Variants in RALGPS2 observed in about 807,000 individuals in gnomAD.
RALGPS2 encodes Ral GEF with PH domain and SH3 binding motif 2, also known as ras-specific guanine nucleotide-releasing factor RalGPS2.
In RALGPS2, 43 loss-of-function variants were observed where a neutral mutation model predicts 86.8. That is an observed-to-expected ratio of 0.50 (90% CI 0.39 to 0.64). The LOEUF (loss-of-function observed/expected upper bound fraction) is 0.64. Ranked by LOEUF, RALGPS2 falls within the 30% of genes least tolerant of loss-of-function variation. The probability of loss-of-function intolerance (pLI) is 0.00; values close to 1 mark genes in which losing one functional copy is unlikely to be tolerated. For missense variants in RALGPS2, 536 were observed against 694.6 expected, an observed-to-expected ratio of 0.77 and a Z score of 2.57; for synonymous variants, 243 against 231.3, an observed-to-expected ratio of 1.05 and a Z score of -0.46.
At chr1:178,774,320 G>A (rs1460505097) in intron 1 of RALGPS2, among the ~76,000 whole-genome samples, 1 of 151,936 alleles carries the variant, frequency 6.6e-6, no homozygotes, top group Non-Finnish European at 1.5e-5. Context: ...CATGCTTATA[G>A]TTTACAAATA....
Position 178,863,888 on chromosome 1 carries a change from T to C in RALGPS2, c.608-13610T>C, listed in dbSNP as rs561519896. 7.2e-5 allele frequency among the ~76,000 whole-genome samples: 11 copies of C among 152,350 alleles called. No individual in the cohort carries two copies. The South Asian group carries it at 1.0e-3, about 14-fold the overall frequency. On this transcript the variant is annotated intron_variant, in intron 8 of 19. Transcript: ENST00000367635. ...TGAAACCACTTCATGATATATTTCTTTCTAGTCTTTAGTCTGTGTTTTTAT... is the reference window on the plus strand; with the variant it reads ...TGAAACCACTTCATGATATATTTCTCTCTAGTCTTTAGTCTGTGTTTTTAT...
rs1234939610 is a variant in RALGPS2 at position 178,877,486 on chromosome 1, AT to A, written c.608-10del. The A allele has an allele frequency of 6.2e-7, 1 of 1,612,206 alleles. No individual in the cohort carries two copies. The highest frequency in any genetic ancestry group is 2.2e-5 in the East Asian group (1 of 44,800). ...AACTAAGAAAACGTTCATTTATCTA[AT>A]TGTATTTCAGGTATCTATTTGTCAG... On this transcript the variant is annotated splice_polypyrimidine_tract_variant and intron_variant, in intron 8 of 19. Transcript: ENST00000367635.
intron 19 of RALGPS2, among the ~76,000 whole-genome samples, chr1:178,914,159 G>A (rs1465415370): frequency 6.6e-6 from 1 of 152,122 alleles, no homozygotes; most frequent in Admixed American, 6.5e-5. Flanking sequence ...AAATATGGCA[G>A]TTAGCAAAGG....
intron 4 of RALGPS2, among the ~76,000 whole-genome samples, chr1:178,801,439 A>G (rs1654469873): frequency 1.3e-5 from 2 of 152,136 alleles, no homozygotes; most frequent in African/African-American, 4.8e-5. Flanking sequence ...TATACATATC[A>G]ACCCATTTGA....
At chr1:178,759,750 C>G (rs1238477486) in intron 1 of RALGPS2, among the ~76,000 whole-genome samples, 1 of 151,678 alleles carries the variant, frequency 6.6e-6, no homozygotes, top group Non-Finnish European at 1.5e-5. Context: ...TTGCATCCTC[C>G]TCAATTTCTT....
At chr1:178,846,199 G>C (rs1215437780) in intron 8 of RALGPS2, among the ~76,000 whole-genome samples, 1 of 152,132 alleles carries the variant, frequency 6.6e-6, no homozygotes, top group Non-Finnish European at 1.5e-5. Flanking sequence ...TCGTTTGATA[G>C]AATTTTTCTT....
At position 178,741,653 on chromosome 1, in the gene RALGPS2, A is replaced by G. The variant is rs189749769; in HGVS notation, c.-84+16234A>G. Among the ~76,000 whole-genome samples, 14 of 152,348 alleles carry G rather than the reference A, an allele frequency of 9.2e-5. No individual in the cohort carries two copies. In the East Asian group the frequency reaches 2.5e-3, roughly 27 times the overall value. ...CTATAAATCCTAACACAATCCTGTGAAACAATGAGTTGTAGCTAAGAAGCC... is the reference window on the plus strand; with the variant it reads ...CTATAAATCCTAACACAATCCTGTGGAACAATGAGTTGTAGCTAAGAAGCC... On this transcript the variant is annotated intron_variant, in intron 1 of 19. Coordinates refer to ENST00000367635, the MANE Select transcript of RALGPS2 (RefSeq NM_152663.5).
At chr1:178,879,142 T>C (rs1572443263) in intron 10 of RALGPS2, 150 bp downstream of exon 10, 3 of 1,093,968 alleles carry the variant, frequency 2.7e-6, no homozygotes, top group Non-Finnish European at 3.7e-6. Flanking sequence ...CATGTATTAC[T>C]TCTTAATCAC....
At chr1:178,799,299 A>G (rs2102166640) in intron 4 of RALGPS2, among the ~76,000 whole-genome samples, 1 of 152,138 alleles carries the variant, frequency 6.6e-6, no homozygotes, top group East Asian at 1.9e-4. Flanking sequence ...TCGGCTTCCC[A>G]AAGTGCTGGG....
chr1:178,869,383 G>A (rs1257257273), intron 8 of RALGPS2: 1 of 152,054 alleles, frequency 6.6e-6, no homozygotes, highest in Non-Finnish European at 1.5e-5. Context: ...TTTCTAGATT[G>A]TGAAATATGT....
intron 8 of RALGPS2, among the ~76,000 whole-genome samples, chr1:178,857,926 TAG>T (rs1388710495): frequency 6.6e-6 from 1 of 152,122 alleles, no homozygotes; most frequent in Non-Finnish European, 1.5e-5. Flanking sequence ...TAAAGCAAAA[TAG>T]AGAGTTCTGG....
chr1:178,859,735 G>A (rs1657839903), intron 8 of RALGPS2, among the ~76,000 whole-genome samples: 1 of 102,034 alleles, frequency 9.8e-6, no homozygotes, highest in Non-Finnish European at 1.8e-5. Flanking sequence ...GTCTCGCTCT[G>A]TCGCCAGGCT....
At chr1:178,912,978 C>T (rs1660679131) in intron 19 of RALGPS2, among the ~76,000 whole-genome samples, 1 of 152,022 alleles carries the variant, frequency 6.6e-6, no homozygotes, top group East Asian at 1.9e-4. Flanking sequence ...TTAATGCTTC[C>T]AATTGCATTA....
intron 18 of RALGPS2, among the ~76,000 whole-genome samples, chr1:178,902,938 C>T (rs548294249): frequency 7.9e-5 from 12 of 152,032 alleles, no homozygotes; most frequent in Admixed American, 7.9e-4. Context: ...GGCTATTGAC[C>T]ATTGGAGTTT....
chr1:178,885,755 A>G, intron 12 of RALGPS2: 1 of 373,480 alleles, frequency 2.7e-6, no homozygotes, highest in Non-Finnish European at 4.7e-6. Flanking sequence ...CACGAGGCTT[A>G]AAATGAAATT....
intron 1 of RALGPS2, among the ~76,000 whole-genome samples, chr1:178,776,048 G>C (rs1340936920): frequency 6.6e-6 from 1 of 151,960 alleles, no homozygotes; most frequent in East Asian, 1.9e-4. Flanking sequence ...AGTATTATGA[G>C]TAATCCGGAG....
At chr1:178,851,920 C>A (rs373416909) in intron 8 of RALGPS2, among the ~76,000 whole-genome samples, 4 of 151,952 alleles carry the variant, frequency 2.6e-5, no homozygotes, top group African/African-American at 9.7e-5. Flanking sequence ...TGTATCAGGA[C>A]GAGAAGAAAC....
chr1:178,798,271 A>G (rs192116975), intron 4 of RALGPS2, among the ~76,000 whole-genome samples: 4 of 152,342 alleles, frequency 2.6e-5, no homozygotes, highest in Admixed American at 2.6e-4. Context: ...ATTCTATTGT[A>G]GTAATTTTGT....
intron 8 of RALGPS2, among the ~76,000 whole-genome samples, chr1:178,873,709 C>T (rs758132262): frequency 1.3e-5 from 2 of 152,070 alleles, no homozygotes; most frequent in Non-Finnish European, 2.9e-5. Context: ...AAAAGTCTAT[C>T]AAATAAAATG....
Sources: allele counts gnomAD v4.1 joint callset (sites outside exome capture counted in the v4.1 genomes callset), GRCh38; gene constraint gnomAD v4.1.1; transcripts MANE v1.5; gene names NCBI Gene and HGNC (gene_info 2026-07-23, HGNC 2026-07-21).